GPR143: variants seen among roughly 807,000 people sequenced by gnomAD.
GPR143 encodes the protein G protein-coupled receptor 143.
Under a neutral mutation model 27.6 loss-of-function variants are expected in GPR143, and 8 were observed. The ratio of observed to expected loss-of-function variants is 0.29; its 90% CI spans 0.17 to 0.52. The LOEUF (loss-of-function observed/expected upper bound fraction) is 0.52, where lower values mean the gene tolerates loss of function less well. Among genes scored for constraint, GPR143 ranks in the 20% least tolerant of loss-of-function variants. The probability of loss-of-function intolerance (pLI) is 0.96; values close to 1 mark genes in which losing one functional copy is unlikely to be tolerated. For synonymous variants in GPR143, 156 were observed against 153.2 expected, an observed-to-expected ratio of 1.02 and a Z score of -0.13; for missense variants, 303 against 343.1, an observed-to-expected ratio of 0.88 and a Z score of 0.92.
chrX:9,749,959 G>T (rs973388511), intron 3 of GPR143, among the ~76,000 whole-genome samples: 1 of 111,155 alleles, frequency 9.0e-6, no homozygotes, highest in Non-Finnish European at 1.9e-5. Context: ...TGGAGATGAG[G>T]TTATGCCATG....
chrX:9,770,591 G>A (rs1403077961), upstream of GPR143, among the ~76,000 whole-genome samples: 1 of 110,808 alleles, frequency 9.0e-6, no homozygotes, highest in Non-Finnish European at 1.9e-5. Flanking sequence ...GTCACTGGCA[G>A]ATGTATTGCT....
At chrX:9,762,703 CAACAAA>C (rs2083508552) in intron 1 of GPR143, among the ~76,000 whole-genome samples, 1 of 111,819 alleles carries the variant, frequency 8.9e-6, no homozygotes, top group Non-Finnish European at 1.9e-5. Context: ...AAGCCACTGC[CAACAAA>C]AACAATGCCT....
chrX:9,728,595 T>C (rs1601868640), intron 8 of GPR143, among the ~76,000 whole-genome samples: 1 of 80,074 alleles, frequency 1.2e-5, no homozygotes, highest in Admixed American at 1.7e-4. Context: ...TCAGGAGGAG[T>C]GCTTGAGTGT....
At chrX:9,758,651 G>A (rs1459564808) in intron 3 of GPR143, among the ~76,000 whole-genome samples, 2 of 112,137 alleles carry the variant, frequency 1.8e-5, no homozygotes, top group South Asian at 3.7e-4. Flanking sequence ...TTGGGAGGCC[G>A]AGGCAGGAGG....
chrX:9,769,738 C>T (rs1350133989), upstream of GPR143, among the ~76,000 whole-genome samples: 1 of 110,376 alleles, frequency 9.1e-6, no homozygotes, highest in African/African-American at 3.3e-5. Flanking sequence ...CCTGCCACCA[C>T]ACCTGGCTAT....
chrX:9,775,595 A>G (rs181055699), intron 1 of GPR143, among the ~76,000 whole-genome samples: 1 of 112,013 alleles, frequency 8.9e-6, no homozygotes, highest in Non-Finnish European at 1.9e-5. Flanking sequence ...GGTGGAGCTG[A>G]GAATCAAACC....
At chrX:9,748,714 C>G in intron 3 of GPR143, 48 bp from the exon 4 acceptor site, 1 of 909,869 alleles carries the variant, frequency 1.1e-6, no homozygotes, top group Non-Finnish European at 1.6e-6. Context: ...GGCACAGAGG[C>G]CTGCCTGGAA....
intron 8 of GPR143, among the ~76,000 whole-genome samples, chrX:9,736,339 G>C (rs1459962298): frequency 8.9e-6 from 1 of 112,023 alleles, no homozygotes; most frequent in African/African-American, 3.2e-5. Flanking sequence ...GCAAATTCCT[G>C]CATAGGGTTA....
At chrX:9,727,823 G>C (rs151032965) in intron 8 of GPR143, among the ~76,000 whole-genome samples, 1 of 112,263 alleles carries the variant, frequency 8.9e-6, no homozygotes, top group Non-Finnish European at 1.9e-5. Flanking sequence ...GCTGACAACT[G>C]CAGCTTACTC....
chrX:9,758,576 C>A (rs2083482389), intron 3 of GPR143, among the ~76,000 whole-genome samples: 1 of 111,987 alleles, frequency 8.9e-6, no homozygotes, highest in Admixed American at 9.5e-5. Flanking sequence ...TATATACATC[C>A]TTTGAACCTT....
At chrX:9,762,036 G>A (rs963839233) in intron 1 of GPR143, among the ~76,000 whole-genome samples, 3 of 110,827 alleles carry the variant, frequency 2.7e-5, no homozygotes, top group Admixed American at 9.6e-5. Context: ...GCAGTGAGTC[G>A]AGATCGCACC....
intron 1 of GPR143, among the ~76,000 whole-genome samples, chrX:9,762,019 G>A (rs749280083): frequency 4.3e-4 from 48 of 111,902 alleles, no homozygotes; most frequent in African/African-American, 5.8e-4. Context: ...CCCGGAAGGC[G>A]GAGGTTGCAG....
At chrX:9,778,292 G>C (rs1404407915) in intron 1 of GPR143, among the ~76,000 whole-genome samples, 2 of 111,549 alleles carry the variant, frequency 1.8e-5, no homozygotes, top group African/African-American at 3.3e-5. Context: ...TCCTCTCCCT[G>C]AGAGACCCAA....
In GPR143 at chrX:9,760,142, A is replaced by G. The variant is rs752896340; in HGVS notation, c.360+575T>C. ...AGTTTCACTCTGTCACCCAGGCTGG[A>G]GTGCAGTGGCGCGATCTTGGCTCAC... On this transcript the variant is annotated intron_variant, in intron 2 of 8. Coordinates refer to ENST00000467482, the MANE Select transcript of GPR143 (RefSeq NM_000273.3). Among the ~76,000 whole-genome samples, 234 of 111,730 alleles carry G rather than the reference A, an allele frequency of 2.1e-3. 1 individual carries two copies. The highest frequency in any genetic ancestry group is 7.4e-3 in the African/African-American group (227 of 30,723).
intron 3 of GPR143, among the ~76,000 whole-genome samples, chrX:9,749,615 C>T (rs766885732): frequency 6.3e-4 from 71 of 112,445 alleles, no homozygotes; most frequent in African/African-American, 1.9e-3. Flanking sequence ...GGATCAGTTT[C>T]TTCATTCCCT....
chrX:9,765,664 G>A lies in GPR143; in HGVS notation c.154C>T (p.Arg52Cys). ...GGGGACCCGGGGCCCGCGGGCCGGC[G>A]GCCGGGCAGCAGCTGCAGAAGGCCC... Reference protein sequence around the residue: ...ALGLLQLLPGRRPAGPGSPAT... With the variant: ...ALGLLQLLPGCRPAGPGSPAT... The change falls in exon 1 of 9, where the codon CGC (arginine) becomes TGC (cysteine). Residue 52 changes from arginine to cysteine, a missense_variant. Physicochemically the swap from Arg to Cys is radical, Grantham distance 180. Coordinates refer to ENST00000467482, the MANE Select transcript of GPR143 (RefSeq NM_000273.3). The A allele has an allele frequency of 4.0e-6, 4 of 997,746 alleles. No homozygotes were observed. Among genetic ancestry groups the A allele is most frequent in the Middle Eastern group, 8.1e-4 (2 of 2,476 alleles). The allele number at this position is 997,746 out of a possible 1,213,427, so 82.2% of individuals were successfully genotyped here.
intron 1 of GPR143, among the ~76,000 whole-genome samples, chrX:9,777,155 A>C (rs928331476): frequency 1.8e-5 from 2 of 112,808 alleles, no homozygotes; most frequent in Admixed American, 9.4e-5. Flanking sequence ...TAGCAAACTA[A>C]GTAAAACATA....
chrX:9,738,498 A>G (rs1267718384), intron 8 of GPR143: 4 of 740,534 alleles, frequency 5.4e-6, no homozygotes, highest in Admixed American at 8.8e-5. Flanking sequence ...ATGGCTCCCA[A>G]TTTCAACCAG....
intron 8 of GPR143, among the ~76,000 whole-genome samples, chrX:9,730,091 C>T (rs1467031465): frequency 1.8e-5 from 2 of 112,662 alleles, no homozygotes; most frequent in African/African-American, 6.4e-5. Context: ...CCATCTAGCC[C>T]AGGTGTGTAG....
Sources: gnomAD v4.1 joint callset for allele counts (sites outside exome capture counted in the v4.1 genomes callset) on GRCh38, gnomAD v4.1.1 for gene constraint, MANE v1.5 for transcripts, NCBI Gene and HGNC (gene_info 2026-07-23, HGNC 2026-07-21) for gene names.